SERINC5: variants seen among roughly 807,000 people sequenced by gnomAD.
SERINC5 encodes the protein chromosome 5 open reading frame 12.
Under a neutral mutation model 63.1 loss-of-function variants are expected in SERINC5, and 41 were observed. That is an observed-to-expected ratio of 0.65 (90% CI 0.51 to 0.84). SERINC5 has a LOEUF of 0.84. SERINC5 is among the 40% of genes least tolerant of loss of function. SERINC5 has a pLI of 0.00. For synonymous variants in SERINC5, 222 were observed against 215.2 expected (o/e 1.03, Z -0.28); for missense variants, 523 against 573.0 (o/e 0.91, Z 0.89).
intron 1 of SERINC5, among the ~76,000 whole-genome samples, chr5:80,224,627 CACA>C (rs2112547477): frequency 6.6e-6 from 1 of 152,116 alleles, no homozygotes; most frequent in African/African-American, 2.4e-5. Flanking sequence ...TGTATAAAAA[CACA>C]ACTTTTTTTT....
At chr5:80,123,469 A>C (rs979650624) in intron 11 of SERINC5, among the ~76,000 whole-genome samples, 2 of 152,134 alleles carry the variant, frequency 1.3e-5, no homozygotes, top group Non-Finnish European at 2.9e-5. Context: ...GAGATGGTGG[A>C]AGTTAGAGTG....
chr5:80,238,313 G>A (rs188267747), intron 1 of SERINC5, among the ~76,000 whole-genome samples: 3 of 151,988 alleles, frequency 2.0e-5, no homozygotes, highest in East Asian at 3.9e-4. Context: ...TGCAACTTCC[G>A]CCAACTACAC....
intron 1 of SERINC5, among the ~76,000 whole-genome samples, chr5:80,210,764 G>C (rs528058992): frequency 6.4e-4 from 98 of 152,322 alleles, no homozygotes; most frequent in African/African-American, 2.3e-3. Context: ...GGGAGAACCA[G>C]AGAACCTGGA....
chr5:80,238,957 G>C (rs781268149), intron 1 of SERINC5, among the ~76,000 whole-genome samples: 2 of 152,176 alleles, frequency 1.3e-5, no homozygotes, highest in Non-Finnish European at 2.9e-5. Context: ...ATTTACCAAA[G>C]GCCAAGTGTG....
At chr5:80,124,552 C>A (rs967230722) in intron 11 of SERINC5, among the ~76,000 whole-genome samples, 17 of 152,124 alleles carry the variant, frequency 1.1e-4, no homozygotes, top group Admixed American at 6.5e-5. Flanking sequence ...TGTAAGGATG[C>A]AGGAGTGTTT....
Position 80,140,590 on chromosome 5 carries a change from A to AG in SERINC5, c.*3072_*3073insC. The AG allele has an allele frequency of 1.0e-6, 1 of 985,318 alleles. No individual in the cohort carries two copies. The highest frequency in any genetic ancestry group is 1.7e-5 in the African/African-American group (1 of 57,300). 61.0% of individuals were successfully genotyped at this position (985,318 alleles called of 1,614,324 possible). ...TTTGCCCAAGAAACTGTGGGCAAAA[A>AG]TAAAACTAACCAATCAGTATTTAAA... On this transcript the variant is annotated 3_prime_UTR_variant, in exon 12 of 12. Transcript: ENST00000507668.
intron 9 of SERINC5, among the ~76,000 whole-genome samples, chr5:80,148,357 A>G (rs1745960555): frequency 6.6e-6 from 1 of 151,158 alleles, no homozygotes; most frequent in African/African-American, 2.4e-5. Flanking sequence ...TGCCTGGCTA[A>G]TTTTGTATTT....
chr5:80,173,276 AGG>A (rs1561393261), intron 5 of SERINC5, among the ~76,000 whole-genome samples: 53 of 150,374 alleles, frequency 3.5e-4, no homozygotes, highest in African/African-American at 1.1e-3. Flanking sequence ...GAAGGAAGGA[AGG>A]AAGAAAATGA....
At position 80,141,760 on chromosome 5, in the gene SERINC5, TG is replaced by T; in HGVS notation, c.*1902del. The stretch of plus-strand genomic sequence containing the variant: ...CGGCTTTTCATTTTGCGACTCCAGA[TG>T]AATCTTTTAACTGCTGAGTACAGAG... On this transcript the variant is annotated 3_prime_UTR_variant, in exon 12 of 12. Coordinates refer to ENST00000507668, the MANE Select transcript of SERINC5 (RefSeq NM_001174072.3). 1 of 985,362 alleles carries T rather than the reference TG, an allele frequency of 1.0e-6. No homozygotes were observed. The highest frequency in any genetic ancestry group is 1.2e-6 in the Non-Finnish European group (1 of 829,916). 61.0% of individuals were successfully genotyped at this position (985,362 alleles called of 1,614,324 possible).
At chr5:80,111,807 T>C (rs113491810) in intron 12 of SERINC5, 23,217 of 152,254 alleles carry the variant, frequency 0.15, 1,895 homozygotes, top group Non-Finnish European at 0.19. Context: ...CCCTGAACAA[T>C]GGTTTTGCCT....
chr5:80,256,035 A>T lies in SERINC5; in HGVS notation c.-113T>A. The T allele has an allele frequency of 8.6e-7, 1 of 1,167,922 alleles. No individual in the cohort carries two copies. The highest frequency in any genetic ancestry group is 1.1e-6 in the Non-Finnish European group (1 of 878,678). The allele number at this position is 1,167,922 out of a possible 1,614,324, so 72.3% of individuals were successfully genotyped here. A position where few individuals can be genotyped will look rare whatever the true frequency, so the allele number is the denominator to read the frequency against. ...AGCCGCAGCTCACACTTGAACGAAG[A>T]TCAGCCTCGGCGAAGCGCCTAGGCG... On this transcript the variant is annotated 5_prime_UTR_variant, in exon 1 of 12. Coordinates refer to ENST00000507668, the MANE Select transcript of SERINC5 (RefSeq NM_001174072.3).
chr5:80,145,347 CA>C lies in SERINC5; in HGVS notation c.1238+742del, dbSNP rs200897988. Reference sequence around the variant, plus strand: ...GACAAAGCAAGACTCCAACTAAAAACAAAAAAAAACTACAGAGGTTTATAAA... The same window carrying C: ...GACAAAGCAAGACTCCAACTAAAAACAAAAAAAACTACAGAGGTTTATAAA... On this transcript the variant is annotated intron_variant, in intron 11 of 11. Coordinates refer to ENST00000507668, the MANE Select transcript of SERINC5 (RefSeq NM_001174072.3). 3.1e-4 allele frequency among the ~76,000 whole-genome samples: 41 copies of C among 131,690 alleles called. No homozygotes were observed. The East Asian group carries it at 8.4e-3, about 27-fold the overall frequency. The allele number at this position is 131,690 out of a possible 152,430, so 86.4% of individuals were successfully genotyped here.
At chr5:80,207,285 C>T (rs1750219309) in intron 1 of SERINC5, among the ~76,000 whole-genome samples, 1 of 152,230 alleles carries the variant, frequency 6.6e-6, no homozygotes, top group Admixed American at 6.5e-5. Flanking sequence ...AGGTGTAAGC[C>T]ATGGTGCCCA....
intron 1 of SERINC5, among the ~76,000 whole-genome samples, chr5:80,222,235 G>C (rs1241784564): frequency 6.6e-6 from 1 of 152,082 alleles, no homozygotes; most frequent in African/African-American, 2.4e-5. Context: ...AACAAACACA[G>C]AGGACGCAGG....
intron 11 of SERINC5, chr5:80,128,817 T>C (rs1744836027): frequency 6.6e-6 from 1 of 152,130 alleles, no homozygotes; most frequent in Admixed American, 6.5e-5. Flanking sequence ...ACTGGAACAT[T>C]ATAAGGAAAT....
At chr5:80,170,325 T>A (rs1747568268) in intron 5 of SERINC5, among the ~76,000 whole-genome samples, 2 of 152,072 alleles carry the variant, frequency 1.3e-5, no homozygotes, top group Non-Finnish European at 2.9e-5. Context: ...AAGATACACA[T>A]CTTGAAAGGT....
rs1350710858 is a variant in SERINC5 at position 80,141,157 on chromosome 5, C to G, written c.*2506G>C. 1 of 985,298 alleles carries G rather than the reference C, an allele frequency of 1.0e-6. No individual in the cohort carries two copies. The highest frequency in any genetic ancestry group is 1.2e-6 in the Non-Finnish European group (1 of 829,910). 61.0% of individuals were successfully genotyped at this position (985,298 alleles called of 1,614,324 possible). A position where few individuals can be genotyped will look rare whatever the true frequency, so the allele number is the denominator to read the frequency against. On this transcript the variant is annotated 3_prime_UTR_variant, in exon 12 of 12. Transcript: ENST00000507668. ...CCTCAATCCTCAGATACATCCACAT[C>G]TGTTTTGTTCATCCAGATACACGTG...
chr5:80,142,845 G>T lies in SERINC5; in HGVS notation c.*818C>A. On this transcript the variant is annotated 3_prime_UTR_variant, in exon 12 of 12. Transcript: ENST00000507668. ...AGAATGATAGCCCTCCATTGCTTAG[G>T]CAGAGAAAACATGAATCTTGTTCTA... The T allele has an allele frequency of 1.0e-6, 1 of 985,376 alleles. No individual in the cohort carries two copies. The highest frequency in any genetic ancestry group is 1.2e-6 in the Non-Finnish European group (1 of 829,886). 61.0% of individuals were successfully genotyped at this position (985,376 alleles called of 1,614,324 possible).
At chr5:80,116,956 G>A (rs1744349291) in intron 11 of SERINC5, among the ~76,000 whole-genome samples, 1 of 151,800 alleles carries the variant, frequency 6.6e-6, no homozygotes, top group Admixed American at 6.6e-5. Flanking sequence ...AGCCTCCCAA[G>A]TAGCTGGGAT....
Sources: gnomAD v4.1 joint callset for allele counts (sites outside exome capture counted in the v4.1 genomes callset) on GRCh38, gnomAD v4.1.1 for gene constraint, MANE v1.5 for transcripts, NCBI Gene and HGNC (gene_info 2026-07-23, HGNC 2026-07-21) for gene names.